The following PNPLA5 variants were observed in gnomAD, a reference collection of about 807,000 sequenced individuals.
PNPLA5 encodes patatin-like phospholipase domain-containing protein 5.
Under a neutral mutation model 49.1 loss-of-function variants are expected in PNPLA5, and 44 were observed. That is an observed-to-expected ratio of 0.90 (90% CI 0.70 to 1.15). PNPLA5 has a LOEUF of 1.15. PNPLA5 is among the 50% of genes most tolerant of loss of function. The pLI is 0.00. For synonymous variants in PNPLA5, 243 were observed against 244.4 expected, an observed-to-expected ratio of 0.99 and a Z score of 0.06; for missense variants, 603 against 564.0, an observed-to-expected ratio of 1.07 and a Z score of -0.70.
intron 6 of PNPLA5, among the ~76,000 whole-genome samples, chr22:43,885,134 C>T (rs1192098896): frequency 6.6e-6 from 1 of 152,240 alleles, no homozygotes; most frequent in Non-Finnish European, 1.5e-5. Flanking sequence ...GAGGGCGCAG[C>T]GCCCAGGAGT....
At position 43,891,911 on chromosome 22, in the gene PNPLA5, G is replaced by C; in HGVS notation, c.-31C>G. 3 of 1,500,178 alleles carry C rather than the reference G, an allele frequency of 2.0e-6. No homozygotes were observed. The highest frequency in any genetic ancestry group is 2.7e-6 in the Non-Finnish European group (3 of 1,131,258). 92.9% of individuals were successfully genotyped at this position (1,500,178 alleles called of 1,614,324 possible). A position where few individuals can be genotyped will look rare whatever the true frequency, so the allele number is the denominator to read the frequency against. On this transcript the variant is annotated 5_prime_UTR_variant, in exon 1 of 9. Coordinates refer to ENST00000216177, the MANE Select transcript of PNPLA5 (RefSeq NM_138814.4). ...GTGGACCGGGCGGGGTGATCGGGAC[G>C]AGGAAGGGTCACTCCGTGACCCGGG...
intron 3 of PNPLA5, 106 bp from the exon 4 acceptor site, chr22:43,889,644 C>G (rs1428276404): frequency 1.3e-6 from 2 of 1,528,634 alleles, no homozygotes; most frequent in Non-Finnish European, 8.8e-7. Flanking sequence ...CAGGGCCACT[C>G]CAGCCCAGGA....
At chr22:43,888,989 C>T (rs564515316) in intron 4 of PNPLA5, among the ~76,000 whole-genome samples, 5 of 152,178 alleles carry the variant, frequency 3.3e-5, no homozygotes, top group Non-Finnish European at 5.9e-5. Context: ...AGCATCCTCC[C>T]CTGAGAAATG....
At chr22:43,887,392 G>T (rs933478552) in intron 5 of PNPLA5, among the ~76,000 whole-genome samples, 199 bp downstream of exon 5, 4 of 152,140 alleles carry the variant, frequency 2.6e-5, no homozygotes, top group Non-Finnish European at 1.5e-5. Context: ...CCTGTACCAG[G>T]CTGCGGGCTG....
intron 2 of PNPLA5, 160 bp from the exon 3 acceptor site, chr22:43,890,024 A>G (rs2049707569): frequency 5.7e-6 from 8 of 1,411,710 alleles, no homozygotes; most frequent in Non-Finnish European, 9.3e-7. Context: ...CAAGCTCTCC[A>G]AGGGAAGCAG....
chr22:43,889,602 A>G, intron 3 of PNPLA5, 64 bp from the exon 4 acceptor site: 6 of 1,548,326 alleles, frequency 3.9e-6, no homozygotes, highest in Non-Finnish European at 5.2e-6. Flanking sequence ...CACTGGCTGC[A>G]GCCGGTGACC....
chr22:43,891,666 G>T (rs1569507680), intron 1 of PNPLA5, 22 bp downstream of exon 1: 8 of 1,525,146 alleles, frequency 5.2e-6, no homozygotes, highest in Non-Finnish European at 7.0e-6. Flanking sequence ...GCCCCTTTTC[G>T]CCCCCGCGGT....
At chr22:43,881,827 T>C (rs901561073) in intron 7 of PNPLA5, 153 bp from the exon 8 acceptor site, 2 of 942,600 alleles carry the variant, frequency 2.1e-6, no homozygotes, top group Middle Eastern at 5.4e-4. Flanking sequence ...TGGCCACTGT[T>C]GCAGAGCAGG....
In PNPLA5 at chr22:43,881,504, C is replaced by T. The variant is rs1284567898; in HGVS notation, c.1199+54G>A. On this transcript the variant is annotated intron_variant, in intron 8 of 8. Transcript: ENST00000216177. ...CCAGGGTCCAGGGAAGCAGCTGGTG[C>T]GTTCCCCCCAGCACAGCCACCCCCT... The T allele has an allele frequency of 2.0e-5, 30 of 1,484,384 alleles. 1 individual carries two copies. In the East Asian group the frequency reaches 2.7e-4, roughly 14 times the overall value. The allele number at this position is 1,484,384 out of a possible 1,614,324, so 92.0% of individuals were successfully genotyped here.
intron 6 of PNPLA5, among the ~76,000 whole-genome samples, chr22:43,884,954 GGATTCACAGA>G (rs2049647213): frequency 6.6e-6 from 1 of 152,194 alleles, no homozygotes; most frequent in Admixed American, 6.5e-5. Context: ...AGGATTACAA[GGATTCACAGA>G]TAGCACAGGC....
intron 7 of PNPLA5, among the ~76,000 whole-genome samples, chr22:43,882,872 G>T (rs5764372): frequency 6.6e-6 from 1 of 151,926 alleles, no homozygotes; most frequent in Admixed American, 6.6e-5. Flanking sequence ...GAGAATTTTT[G>T]AAAATACAGG....
chr22:43,888,200 AG>A (rs772278236), intron 4 of PNPLA5, among the ~76,000 whole-genome samples: 5 of 152,090 alleles, frequency 3.3e-5, no homozygotes, highest in Non-Finnish European at 4.4e-5. Context: ...CAACTCTCTG[AG>A]TGCCTCAGCT....
In PNPLA5 at chr22:43,891,077, G is replaced by A. The variant is rs1345265828; in HGVS notation, c.411C>T (p.Cys137=). 6.2e-7 allele frequency: 1 copy of A among 1,610,294 alleles called. No homozygotes were observed. Among genetic ancestry groups the A allele is most frequent in the Non-Finnish European group, 8.5e-7 (1 of 1,178,948 alleles). ...CGCCCCACACCTGGATGAGCTCATC[G>A]CAGGTGGCGAAGTCAGTGACCAAGA... is the stretch of plus-strand genomic sequence containing the variant. ...RNFLVTDFAT[C]DELIQALVCT... Residue 137 remains cysteine (C), a synonymous_variant, in exon 2 of 9, where the codon TGC becomes TGT. Coordinates refer to ENST00000216177, the MANE Select transcript of PNPLA5 (RefSeq NM_138814.4).
chr22:43,886,279 A>T (rs1202315102), intron 6 of PNPLA5, 24 bp downstream of exon 6: 1 of 1,598,034 alleles, frequency 6.3e-7, no homozygotes, highest in African/African-American at 1.3e-5. Context: ...CTGGTAGGTG[A>T]GCAAATGCAG....
In PNPLA5 at chr22:43,880,086, G is replaced by A. The variant is rs930120788; in HGVS notation, c.*709C>T. On this transcript the variant is annotated 3_prime_UTR_variant, in exon 9 of 9. Coordinates refer to ENST00000216177, the MANE Select transcript of PNPLA5 (RefSeq NM_138814.4). ...GCAGTGACTCGTGGAGAGGCCAGAG[G>A]CCTGGTGTCCCTGGCATCCTCTCTG... 2 of 224,290 alleles carry A rather than the reference G, an allele frequency of 8.9e-6. No homozygotes were observed. The highest frequency in any genetic ancestry group is 4.5e-5 in the African/African-American group (2 of 44,228). The allele number at this position is 224,290 out of a possible 1,614,324, so 13.9% of individuals were successfully genotyped here.
chr22:43,891,384 A>G, intron 1 of PNPLA5, 90 bp from the exon 2 acceptor site: 1 of 1,437,154 alleles, frequency 7.0e-7, no homozygotes, highest in Non-Finnish European at 9.1e-7. Context: ...GTGCAGTGGG[A>G]GCGGGGTCCT....
chr22:43,891,683 C>G lies in PNPLA5; in HGVS notation c.193+5G>C. The G allele has an allele frequency of 6.5e-7, 1 of 1,545,028 alleles. No homozygotes were observed. The highest frequency in any genetic ancestry group is 2.5e-5 in the East Asian group (1 of 40,626). ...CCCTTTTCGCCCCCGCGGTCCGGGACTCACCGACCGACTTGCCGCAGACGA... is the reference window on the plus strand; with the variant it reads ...CCCTTTTCGCCCCCGCGGTCCGGGAGTCACCGACCGACTTGCCGCAGACGA... On this transcript the variant is annotated splice_donor_5th_base_variant and intron_variant, in intron 1 of 8. Coordinates refer to ENST00000216177, the MANE Select transcript of PNPLA5 (RefSeq NM_138814.4).
rs1313953438 is a variant in PNPLA5 at position 43,886,382 on chromosome 22, C to T, written c.870G>A (p.Leu290=). Residue 290 remains leucine, a synonymous_variant, in exon 6 of 9, where the codon CTG becomes CTA. Transcript: ENST00000216177. ...CATGGGGCACTTTCCAGTTGAGAGA[C>T]AGGCCCCCCTTCCAGCGTTGGTCAC... The part of the protein sequence containing the change: ...AGCDQRWKGG[L]SLNWKVPHVQ... 1.2e-6 allele frequency: 2 copies of T among 1,614,190 alleles called. No homozygotes were observed. Among genetic ancestry groups the T allele is most frequent in the South Asian group, 1.1e-5 (1 of 91,082 alleles).
At chr22:43,883,867 A>G (rs913906259) in intron 7 of PNPLA5, among the ~76,000 whole-genome samples, 5 of 152,120 alleles carry the variant, frequency 3.3e-5, no homozygotes, top group Non-Finnish European at 5.9e-5. Flanking sequence ...CCTGTAGCCC[A>G]GAGAGGTCAA....
Sources: allele counts gnomAD v4.1 joint callset (sites outside exome capture counted in the v4.1 genomes callset), GRCh38; gene constraint gnomAD v4.1.1; transcripts MANE v1.5; gene names NCBI Gene and HGNC (gene_info 2026-07-23, HGNC 2026-07-21).